The following RNF157 variants were observed in gnomAD, a reference collection of about 807,000 sequenced individuals.
The protein encoded by RNF157 is ring finger protein 157.
Under a neutral mutation model 88.3 loss-of-function variants are expected in RNF157, and 55 were observed. The ratio of observed to expected loss-of-function variants is 0.62; its 90% CI spans 0.50 to 0.78. The LOEUF is 0.78. RNF157 is among the 30% of genes least tolerant of loss of function. The probability of loss-of-function intolerance (pLI) is 0.00; values close to 1 mark genes in which losing one functional copy is unlikely to be tolerated. For missense variants in RNF157, 788 were observed against 860.8 expected (o/e 0.92, Z 1.06); for synonymous variants, 334 against 341.2 (o/e 0.98, Z 0.23).
intron 1 of RNF157, among the ~76,000 whole-genome samples, chr17:76,224,350 A>G (rs1395764438): frequency 6.6e-6 from 1 of 151,796 alleles, no homozygotes; most frequent in Non-Finnish European, 1.5e-5. Flanking sequence ...ACCACTATGA[A>G]TTATAACAAC....
Position 76,155,333 on chromosome 17 carries a change from GT to G in RNF157, c.1699-17del. On this transcript the variant is annotated splice_polypyrimidine_tract_variant and intron_variant, in intron 15 of 18. Coordinates refer to ENST00000269391, the MANE Select transcript of RNF157 (RefSeq NM_052916.3). ...CTGGCAGCCCCTGCAGAAGAGCACAGTTTTTACAGGCTCTTCCATAAAGGTC... is the reference window on the plus strand; with the variant it reads ...CTGGCAGCCCCTGCAGAAGAGCACAGTTTTACAGGCTCTTCCATAAAGGTC... 1 of 1,612,664 alleles carries G rather than the reference GT, an allele frequency of 6.2e-7. No individual in the cohort carries two copies.
Position 76,152,460 on chromosome 17 carries a change from T to G in RNF157, c.1816A>C (p.Arg606=). The G allele has an allele frequency of 1.2e-6, 2 of 1,608,512 alleles. No homozygotes were observed. The highest frequency in any genetic ancestry group is 1.7e-4 in the Middle Eastern group (1 of 6,054). The stretch of plus-strand genomic sequence containing the variant: ...TCCATACCTAGAAATGCGCACGTCC[T>G]CTGGCCTGTAACGGAGTTAATGCAG... ...EDGSPTQEGQ[R]TCAFLGMECD... The change falls in exon 18 of 19, where the codon AGG becomes CGG. Residue 606 remains arginine (R), a synonymous_variant. Coordinates refer to ENST00000269391, the MANE Select transcript of RNF157 (RefSeq NM_052916.3).
intron 18 of RNF157, chr17:76,147,129 T>C (rs550847072): frequency 2.0e-6 from 2 of 985,272 alleles, no homozygotes; most frequent in East Asian, 2.3e-4. Context: ...TCAAGGTGTT[T>C]TTTTTCACCT....
At chr17:76,180,606 G>A (rs899612216) in intron 2 of RNF157, among the ~76,000 whole-genome samples, 2 of 151,820 alleles carry the variant, frequency 1.3e-5, no homozygotes, top group South Asian at 2.1e-4. Context: ...TTAAATTTTC[G>A]TAGAGATGGG....
intron 1 of RNF157, among the ~76,000 whole-genome samples, chr17:76,231,505 C>T (rs2070192865): frequency 1.3e-5 from 2 of 152,264 alleles, no homozygotes; most frequent in African/African-American, 4.8e-5. Context: ...ACCACGTTGA[C>T]TGGGCTGGTC....
chr17:76,189,037 A>C (rs1227499370), intron 2 of RNF157, among the ~76,000 whole-genome samples: 1 of 152,234 alleles, frequency 6.6e-6, no homozygotes, highest in East Asian at 1.9e-4. Context: ...AAAAATTTTC[A>C]AGGTCATGAA....
chr17:76,217,399 C>A (rs889935886), intron 1 of RNF157, among the ~76,000 whole-genome samples: 1 of 151,880 alleles, frequency 6.6e-6, no homozygotes, highest in East Asian at 1.9e-4. Flanking sequence ...TGAAATGAAC[C>A]CCTCTAGCAG....
At chr17:76,212,314 T>C (rs1192972920) in intron 2 of RNF157, 50 bp downstream of exon 2, 1 of 1,272,264 alleles carries the variant, frequency 7.9e-7, no homozygotes, top group Middle Eastern at 1.9e-4. Context: ...TTACATTTTT[T>C]GAATTGGCCA....
At chr17:76,204,108 T>G (rs974485827) in intron 2 of RNF157, among the ~76,000 whole-genome samples, 1 of 152,170 alleles carries the variant, frequency 6.6e-6, no homozygotes, top group East Asian at 1.9e-4. Context: ...TCTTCAGATA[T>G]GAACCCAATT....
intron 18 of RNF157, among the ~76,000 whole-genome samples, chr17:76,150,058 A>C (rs1447979601): frequency 6.6e-6 from 1 of 152,072 alleles, no homozygotes; most frequent in African/African-American, 2.4e-5. Flanking sequence ...CAAAAACAAA[A>C]AAACTCAAAT....
rs139780955 is a variant in RNF157, at chr17:76,151,628, C to T, written c.1921+727G>A. Among the ~76,000 whole-genome samples, 46 of 152,296 alleles carry T rather than the reference C, an allele frequency of 3.0e-4. 1 individual carries two copies. The East Asian group carries it at 7.1e-3, about 24-fold the overall frequency. On this transcript the variant is annotated intron_variant, in intron 18 of 18. Coordinates refer to ENST00000269391, the MANE Select transcript of RNF157 (RefSeq NM_052916.3). ...AAAAGCAGTTTTTGGAGCCCTTGAA[C>T]GGGCACACTAACTAAAAAGGCACTC... is the stretch of plus-strand genomic sequence containing the variant.
chr17:76,159,418 C>A lies in RNF157; in HGVS notation c.1221G>T (p.Leu407=). The change falls in exon 12 of 19, where the codon CTG becomes CTT. Residue 407 remains leucine, a synonymous_variant. Coordinates refer to ENST00000269391, the MANE Select transcript of RNF157 (RefSeq NM_052916.3). ...GAGGCGAGATCGTCCTGACGGGGGGCAGGTGGCCATCACTGCCATATGAAG... is the reference window on the plus strand; with the variant it reads ...GAGGCGAGATCGTCCTGACGGGGGGAAGGTGGCCATCACTGCCATATGAAG... ...MLPSYGSDGH[L]PPVRTISPLD... The A allele has an allele frequency of 6.2e-7, 1 of 1,612,994 alleles. No homozygotes were observed. The highest frequency in any genetic ancestry group is 8.5e-7 in the Non-Finnish European group (1 of 1,179,672).
At chr17:76,175,852 A>T (rs2069094747) in intron 2 of RNF157, 4 of 889,858 alleles carry the variant, frequency 4.5e-6, no homozygotes, top group Non-Finnish European at 5.4e-6. Flanking sequence ...AAAGAAAAAA[A>T]AATCCTGGCA....
chr17:76,217,560 C>A (rs1006544201), intron 1 of RNF157, among the ~76,000 whole-genome samples: 2 of 152,014 alleles, frequency 1.3e-5, no homozygotes, highest in African/African-American at 4.8e-5. Context: ...AACACATCAA[C>A]AGTCCCCAAA....
At chr17:76,207,087 GT>G (rs1408880419) in intron 2 of RNF157, among the ~76,000 whole-genome samples, 1 of 152,092 alleles carries the variant, frequency 6.6e-6, no homozygotes, top group East Asian at 1.9e-4. Context: ...ACACACTCTA[GT>G]TTCTTTAAAT....
At chr17:76,173,607 A>C in intron 3 of RNF157, 95 bp downstream of exon 3, 2 of 926,392 alleles carry the variant, frequency 2.2e-6, no homozygotes, top group Non-Finnish European at 3.4e-6. Context: ...GCTGCCGGAA[A>C]CTGCTGTATG....
At position 76,157,189 on chromosome 17, in the gene RNF157, A is replaced by T. The variant is rs1419080060; in HGVS notation, c.1414-868T>A. Among the ~76,000 whole-genome samples the T allele has an allele frequency of 6.6e-6, 1 of 152,126 alleles. No individual in the cohort carries two copies. The highest frequency in any genetic ancestry group is 6.5e-5 in the Admixed American group (1 of 15,276). On this transcript the variant is annotated intron_variant, in intron 13 of 18. Transcript: ENST00000269391. This position sits in a 1 kb window ranked among gnomAD's most constrained non-coding sequence, Gnocchi z 5.6. Reference sequence around the variant, plus strand: ...CACCATGTTAGCCAGGATGGTCTCGATCTCCTGACCTCGTGATCCGCCCGC... The same window carrying T: ...CACCATGTTAGCCAGGATGGTCTCGTTCTCCTGACCTCGTGATCCGCCCGC...
intron 1 of RNF157, among the ~76,000 whole-genome samples, chr17:76,227,117 GTT>G (rs533845540): frequency 1.4e-5 from 2 of 138,132 alleles, no homozygotes; most frequent in Non-Finnish European, 1.6e-5. Context: ...CTCTTTTTTT[GTT>G]TTTTTTTTTT....
At chr17:76,193,060 C>T (rs1406727609) in intron 2 of RNF157, among the ~76,000 whole-genome samples, 1 of 152,130 alleles carries the variant, frequency 6.6e-6, no homozygotes, top group Non-Finnish European at 1.5e-5. Context: ...CTCAAGTGAT[C>T]CTCCCGCCTC....
Sources: gnomAD v4.1 joint callset for allele counts (sites outside exome capture counted in the v4.1 genomes callset) on GRCh38, gnomAD v4.1.1 for gene constraint, Gnocchi (gnomAD v3.1) non-coding constraint, MANE v1.5 for transcripts, NCBI Gene and HGNC (gene_info 2026-07-23, HGNC 2026-07-21) for gene names.